Variants in CD207 observed in about 807,000 individuals in gnomAD.
CD207 encodes C-type lectin domain family 4 member K.
CD207 carries 28 observed loss-of-function variants against 31.6 expected under a neutral mutation model. The ratio of observed to expected loss-of-function variants is 0.89; its 90% CI spans 0.66 to 1.21. The LOEUF (loss-of-function observed/expected upper bound fraction) is 1.21, where lower values mean the gene tolerates loss of function less well. Among genes scored for constraint, CD207 ranks in the 50% most tolerant of loss-of-function variants. CD207 has a pLI of 0.00. For missense variants in CD207, 388 were observed against 397.8 expected (o/e 0.98, Z 0.21); for synonymous variants, 168 against 153.9 (o/e 1.09, Z -0.68).
At chr2:70,832,840 A>G (rs1010315927) in intron 4 of CD207, 60 bp downstream of exon 4, 86 of 1,500,948 alleles carry the variant, frequency 5.7e-5, no homozygotes, top group Non-Finnish European at 6.8e-5. Context: ...AATCTTGCCC[A>G]TCCTCCCTGG....
rs1677599792 is a variant in CD207, at chr2:70,835,696, T to G, written c.73+8A>C. The G allele has an allele frequency of 6.2e-7, 1 of 1,613,520 alleles. No individual in the cohort carries two copies. The highest frequency in any genetic ancestry group is 2.2e-5 in the East Asian group (1 of 44,872). ...ACGGAGCAGGTTCTCAGCAGCGATGTGGCTTGCCTCGGGGCCAGAGGGAGA... is the reference window on the plus strand; with the variant it reads ...ACGGAGCAGGTTCTCAGCAGCGATGGGGCTTGCCTCGGGGCCAGAGGGAGA... On this transcript the variant is annotated splice_region_variant and intron_variant, in intron 1 of 5. Transcript: ENST00000410009.
In CD207 at chr2:70,835,539, A is replaced by G. The variant is rs373616341; in HGVS notation, c.142T>C (p.Cys48Arg). Residue 48 changes from cysteine (C) to arginine (R), a missense_variant, in exon 2 of 6, where the codon TGC (cysteine) becomes CGC (arginine). Physicochemically the swap from Cys to Arg is radical, Grantham distance 180 (BLOSUM62 -3). Transcript: ENST00000410009. ...KTPTVRAALICLTLVLVASVL... is the reference protein window; with the variant it reads ...KTPTVRAALIRLTLVLVASVL... Reference sequence around the variant, plus strand: ...GAGGCGACCAGGACCAGCGTCAGGCAGATTAATGCAGCACGGACTGTGGGT... The same window carrying G: ...GAGGCGACCAGGACCAGCGTCAGGCGGATTAATGCAGCACGGACTGTGGGT... 2 of 1,613,994 alleles carry G rather than the reference A, an allele frequency of 1.2e-6. No individual in the cohort carries two copies. The highest frequency in any genetic ancestry group is 1.7e-6 in the Non-Finnish European group (2 of 1,179,878).
downstream of CD207, among the ~76,000 whole-genome samples, chr2:70,827,299 G>T (rs1677367887): frequency 1.3e-5 from 2 of 151,984 alleles, no homozygotes; most frequent in African/African-American, 2.4e-5. Flanking sequence ...GGTAGCCTGT[G>T]TTTTCTCCCC....
intron 5 of CD207, among the ~76,000 whole-genome samples, 189 bp downstream of exon 5, chr2:70,831,512 C>T (rs1370281792): frequency 2.9e-4 from 44 of 152,298 alleles, no homozygotes; most frequent in African/African-American, 9.6e-5. Flanking sequence ...CCCCAGAGGG[C>T]GTGGAGGGCT....
Position 70,831,929 on chromosome 2 carries a change from T to G in CD207, c.718-110A>C, listed in dbSNP as rs1677485572. On this transcript the variant is annotated intron_variant, in intron 4 of 5. Transcript: ENST00000410009. Reference sequence around the variant, plus strand: ...TGACAGCCCTGACCCACAGATGCGCTGCACAAACTGGCCTCTCAAGCTTCT... The same window carrying G: ...TGACAGCCCTGACCCACAGATGCGCGGCACAAACTGGCCTCTCAAGCTTCT... 8.3e-6 allele frequency: 6 copies of G among 718,654 alleles called. No homozygotes were observed. The East Asian group carries it at 1.6e-4, about 19-fold the overall frequency. 44.5% of individuals were successfully genotyped at this position (718,654 alleles called of 1,614,324 possible).
downstream of CD207, among the ~76,000 whole-genome samples, chr2:70,828,828 G>A (rs1305118428): frequency 6.6e-6 from 1 of 152,072 alleles, no homozygotes; most frequent in African/African-American, 2.4e-5. Flanking sequence ...ACCATGCCCG[G>A]CTAATTTTTG....
At chr2:70,828,330 C>G (rs1677393679), downstream of CD207, among the ~76,000 whole-genome samples, 1 of 151,978 alleles carries the variant, frequency 6.6e-6, no homozygotes, top group African/African-American at 2.4e-5. Flanking sequence ...GCCAAAGTCA[C>G]AAGACAAAGC....
At chr2:70,833,465 C>T (rs542795653) in intron 3 of CD207, among the ~76,000 whole-genome samples, 181 bp downstream of exon 3, 2 of 152,260 alleles carry the variant, frequency 1.3e-5, no homozygotes, top group South Asian at 4.1e-4. Flanking sequence ...CTCTTTTCTC[C>T]TAACAGCCCC....
chr2:70,835,185 G>C (rs989763397), intron 2 of CD207, among the ~76,000 whole-genome samples: 2 of 152,210 alleles, frequency 1.3e-5, no homozygotes, highest in Non-Finnish European at 2.9e-5. Context: ...GGGGGTGGAC[G>C]GGGAGAAAAT....
rs1553400877 is a variant in CD207, at chr2:70,835,576, G to A, written c.105C>T (p.Val35=). 1 of 1,613,996 alleles carries A rather than the reference G, an allele frequency of 6.2e-7. No individual in the cohort carries two copies. Among genetic ancestry groups the A allele is most frequent in the East Asian group, 2.2e-5 (1 of 44,892 alleles). Reference sequence around the variant, plus strand: ...CACGGACTGTGGGTGTTTTCCCCGGGACCAGAGATGGACCGGACTTGGGAG... The same window carrying A: ...CACGGACTGTGGGTGTTTTCCCCGGAACCAGAGATGGACCGGACTTGGGAG... The part of the protein sequence containing the change: ...EPPPKSGPSL[V]PGKTPTVRAA... Residue 35 remains valine (V), a synonymous_variant, in exon 2 of 6, where the codon GTC becomes GTT. Transcript: ENST00000410009.
At chr2:70,825,732 G>C (rs371878357), downstream of CD207, among the ~76,000 whole-genome samples, 5 of 151,846 alleles carry the variant, frequency 3.3e-5, no homozygotes, top group South Asian at 1.0e-3. Flanking sequence ...TTAGAGACAG[G>C]GTCTCCCTAT....
chr2:70,834,802 C>T (rs1282172317), intron 2 of CD207, among the ~76,000 whole-genome samples: 2 of 152,126 alleles, frequency 1.3e-5, no homozygotes, highest in African/African-American at 4.8e-5. Context: ...AAAAAAAAAC[C>T]CAACAGCTTC....
At position 70,830,832 on chromosome 2, in the gene CD207, C is replaced by A; in HGVS notation, c.*218G>T. On this transcript the variant is annotated 3_prime_UTR_variant, in exon 6 of 6. Coordinates refer to ENST00000410009, the MANE Select transcript of CD207 (RefSeq NM_015717.5). ...TTCTAAATCCTCTCTACCCACCCCT[C>A]CCACTTTAACCTGAATTCTCCTTTC... The A allele has an allele frequency of 6.0e-6, 3 of 496,162 alleles. No individual in the cohort carries two copies. The highest frequency in any genetic ancestry group is 3.3e-5 in the East Asian group (1 of 30,540). 30.7% of individuals were successfully genotyped at this position (496,162 alleles called of 1,614,324 possible). A position where few individuals can be genotyped will look rare whatever the true frequency, so the allele number is the denominator to read the frequency against.
rs1425239471 is a variant in CD207 at position 70,830,982 on chromosome 2, A to G, written c.*68T>C. The G allele has an allele frequency of 6.9e-7, 1 of 1,440,002 alleles. No homozygotes were observed. The highest frequency in any genetic ancestry group is 2.3e-5 in the East Asian group (1 of 43,450). 89.2% of individuals were successfully genotyped at this position (1,440,002 alleles called of 1,614,324 possible). A position where few individuals can be genotyped will look rare whatever the true frequency, so the allele number is the denominator to read the frequency against. ...GCAAAGTCATCCTGGAGTCTGGGGA[A>G]GAAAGAGGCATTTCCTCATGTTTAA... is the stretch of plus-strand genomic sequence containing the variant. On this transcript the variant is annotated 3_prime_UTR_variant, in exon 6 of 6. Coordinates refer to ENST00000410009, the MANE Select transcript of CD207 (RefSeq NM_015717.5).
chr2:70,828,236 C>T (rs782393205), downstream of CD207, among the ~76,000 whole-genome samples: 11 of 152,186 alleles, frequency 7.2e-5, no homozygotes, highest in African/African-American at 1.2e-4. Flanking sequence ...ACTTCCTGGG[C>T]GAGGCCACAC....
downstream of CD207, among the ~76,000 whole-genome samples, chr2:70,826,348 C>A (rs7587512): frequency 1.3e-5 from 2 of 151,346 alleles, no homozygotes; most frequent in Admixed American, 1.3e-4. Flanking sequence ...GGTCACATGA[C>A]TGCACTTTAA....
At chr2:70,832,079 GC>G (rs1176158325) in intron 4 of CD207, among the ~76,000 whole-genome samples, 2 of 152,302 alleles carry the variant, frequency 1.3e-5, no homozygotes, top group African/African-American at 4.8e-5. Flanking sequence ...GCACAGGAAG[GC>G]CTCAGCTGAA....
At chr2:70,824,387 A>C in the CD207 span, among the ~76,000 whole-genome samples, 1 of 151,768 alleles carries the variant, frequency 6.6e-6, no homozygotes, top group African/African-American at 2.4e-5. Flanking sequence ...TGATCTTTTC[A>C]AAAAAAATTA....
chr2:70,830,752 C>T lies in CD207; in HGVS notation c.*298G>A, dbSNP rs144214899. The T allele has an allele frequency of 2.1e-3, 559 of 267,198 alleles. 7 individuals are homozygous for T. Among genetic ancestry groups the T allele is most frequent in the African/African-American group, 0.012 (533 of 45,840 alleles). The allele number at this position is 267,198 out of a possible 1,614,324, so 16.6% of individuals were successfully genotyped here. A position where few individuals can be genotyped will look rare whatever the true frequency, so the allele number is the denominator to read the frequency against. ...GTTTCTCTGAAAGAGTGGAAAACCC[C>T]AGGGTGTTATGCCGGATTACGGGTC... On this transcript the variant is annotated 3_prime_UTR_variant, in exon 6 of 6. Coordinates refer to ENST00000410009, the MANE Select transcript of CD207 (RefSeq NM_015717.5).
Sources: gnomAD v4.1 joint callset for allele counts (sites outside exome capture counted in the v4.1 genomes callset) on GRCh38, gnomAD v4.1.1 for gene constraint, MANE v1.5 for transcripts, NCBI Gene and HGNC (gene_info 2026-07-23, HGNC 2026-07-21) for gene names.